Variants in TRMT9B observed in about 807,000 individuals in gnomAD.
TRMT9B encodes tRNA methyltransferase 9B (putative).
In TRMT9B, 16 loss-of-function variants were observed where a neutral mutation model predicts 11.5. The ratio of observed to expected loss-of-function variants is 1.39; its 90% CI spans 0.94 to 2.11. The LOEUF (loss-of-function observed/expected upper bound fraction) is 2.11, where lower values mean the gene tolerates loss of function less well. TRMT9B is among the 30% of genes most tolerant of loss of function. The probability of loss-of-function intolerance (pLI) is 0.00; values close to 1 mark genes in which losing one functional copy is unlikely to be tolerated. For missense variants in TRMT9B, 941 were observed against 553.8 expected, an observed-to-expected ratio of 1.70 and a Z score of -7.02; for synonymous variants, 274 against 192.4, an observed-to-expected ratio of 1.42 and a Z score of -3.51.
Position 13,022,922 on chromosome 8 carries a change from G to T in TRMT9B, c.*878G>T, listed in dbSNP as rs1158454987. On this transcript the variant is annotated 3_prime_UTR_variant, in exon 5 of 5. Transcript: ENST00000524591. The stretch of plus-strand genomic sequence containing the variant: ...CACGTGAGCCCAGGAATTCAAGGCT[G>T]CAGTGAACTATGATTGCATCACTGC... The T allele has an allele frequency of 6.0e-6, 1 of 166,396 alleles. No individual in the cohort carries two copies. The highest frequency in any genetic ancestry group is 2.4e-5 in the African/African-American group (1 of 41,364). 10.3% of individuals were successfully genotyped at this position (166,396 alleles called of 1,614,324 possible). A position where few individuals can be genotyped will look rare whatever the true frequency, so the allele number is the denominator to read the frequency against.
chr8:12,986,260 A>T (rs1806286620), intron 1 of TRMT9B, among the ~76,000 whole-genome samples: 1 of 152,056 alleles, frequency 6.6e-6, no homozygotes, highest in Non-Finnish European at 1.5e-5. Context: ...TCTAAAACCT[A>T]CACCTCCTGT....
At chr8:13,018,309 G>A (rs555037415) in intron 4 of TRMT9B, among the ~76,000 whole-genome samples, 1 of 149,102 alleles carries the variant, frequency 6.7e-6, no homozygotes, top group South Asian at 2.2e-4. Flanking sequence ...GGCTGAGAGA[G>A]GAGAATCACC....
In TRMT9B at chr8:13,023,659, C is replaced by G. The variant is rs969319060; in HGVS notation, c.*1615C>G. 1 of 167,070 alleles carries G rather than the reference C, an allele frequency of 6.0e-6. No homozygotes were observed. The highest frequency in any genetic ancestry group is 2.4e-5 in the African/African-American group (1 of 41,460). 10.3% of individuals were successfully genotyped at this position (167,070 alleles called of 1,614,324 possible). A position where few individuals can be genotyped will look rare whatever the true frequency, so the allele number is the denominator to read the frequency against. On this transcript the variant is annotated 3_prime_UTR_variant, in exon 5 of 5. Coordinates refer to ENST00000524591, the MANE Select transcript of TRMT9B (RefSeq NM_020844.3). ...CATTAATGAGAAAATTGACATCTGA[C>G]AAGAGTCTTTTTACTTTATGCTGGA...
intron 1 of TRMT9B, among the ~76,000 whole-genome samples, chr8:12,984,988 C>A (rs1258130772): frequency 1.6e-5 from 2 of 128,690 alleles, no homozygotes; most frequent in South Asian, 5.2e-4. Flanking sequence ...CACACACACA[C>A]TCTCTCTCTC....
At chr8:12,983,378 C>T (rs1320288860) in intron 1 of TRMT9B, among the ~76,000 whole-genome samples, 2 of 151,976 alleles carry the variant, frequency 1.3e-5, no homozygotes, top group Non-Finnish European at 2.9e-5. Flanking sequence ...TTTTTAAAAG[C>T]CATCTAGCAG....
chr8:12,969,921 C>G (rs938780202), intron 1 of TRMT9B: 1 of 150,482 alleles, frequency 6.6e-6, no homozygotes, highest in Non-Finnish European at 1.5e-5. Flanking sequence ...TGACCTCAAG[C>G]CATCCTCCCA....
chr8:13,004,824 C>T (rs999655290), intron 2 of TRMT9B, among the ~76,000 whole-genome samples: 1 of 151,958 alleles, frequency 6.6e-6, no homozygotes, highest in African/African-American at 2.4e-5. Flanking sequence ...ACATTAGGTA[C>T]CAGCTCGGCC....
At chr8:12,995,240 C>CA (rs1221419200) in intron 2 of TRMT9B, among the ~76,000 whole-genome samples, 1 of 152,212 alleles carries the variant, frequency 6.6e-6, no homozygotes, top group African/African-American at 2.4e-5. Flanking sequence ...CACAAAGCTT[C>CA]AAGCAAGTTT....
At chr8:12,975,073 A>C (rs558684610) in intron 1 of TRMT9B, among the ~76,000 whole-genome samples, 30 of 152,030 alleles carry the variant, frequency 2.0e-4, no homozygotes, top group Admixed American at 6.6e-4. Flanking sequence ...ACTAATGGGG[A>C]AAATCGATGA....
chr8:13,004,787 G>A (rs1030760188), intron 2 of TRMT9B, among the ~76,000 whole-genome samples: 4 of 152,062 alleles, frequency 2.6e-5, no homozygotes, highest in Non-Finnish European at 5.9e-5. Flanking sequence ...AAAAGTGGAG[G>A]GACAAGGAAA....
intron 1 of TRMT9B, among the ~76,000 whole-genome samples, chr8:12,986,696 A>G (rs1294040468): frequency 6.6e-6 from 1 of 152,152 alleles, no homozygotes; most frequent in East Asian, 1.9e-4. Flanking sequence ...TTATTTTAGG[A>G]TAGTAGTGGT....
intron 2 of TRMT9B, among the ~76,000 whole-genome samples, chr8:13,001,673 C>T (rs1014521028): frequency 1.3e-5 from 2 of 152,100 alleles, no homozygotes; most frequent in Non-Finnish European, 2.9e-5. Context: ...CCCAATAATT[C>T]TGAGAAAAAA....
At chr8:13,010,734 C>A (rs986374721) in intron 3 of TRMT9B, 5 of 984,122 alleles carry the variant, frequency 5.1e-6, no homozygotes, top group African/African-American at 1.8e-5. Flanking sequence ...CTAAAGTATC[C>A]CTCGAGCCAA....
chr8:12,998,143 C>G (rs2128883519), intron 2 of TRMT9B, among the ~76,000 whole-genome samples: 1 of 152,318 alleles, frequency 6.6e-6, no homozygotes, highest in South Asian at 2.1e-4. Flanking sequence ...GGATACTACT[C>G]AATTGTCATC....
At chr8:12,969,626 C>T (rs1803307081) in intron 1 of TRMT9B, among the ~76,000 whole-genome samples, 1 of 151,512 alleles carries the variant, frequency 6.6e-6, no homozygotes, top group South Asian at 2.1e-4. Flanking sequence ...TTATTTTTTC[C>T]TAATATTTTT....
intron 4 of TRMT9B, among the ~76,000 whole-genome samples, chr8:13,015,529 T>C (rs1260793217): frequency 6.6e-6 from 1 of 150,814 alleles, no homozygotes; most frequent in African/African-American, 2.5e-5. Flanking sequence ...TTTTTTCTAA[T>C]TTTTTTTGTA....
chr8:12,950,181 G>A (rs6989151), intron 1 of TRMT9B, among the ~76,000 whole-genome samples: 1,690 of 152,130 alleles, frequency 0.011, 13 homozygotes, highest in African/African-American at 0.014. Flanking sequence ...ATCTAAATCA[G>A]ACATTGGACA....
chr8:12,947,981 C>T (rs1473421441), intron 1 of TRMT9B, among the ~76,000 whole-genome samples: 1 of 152,126 alleles, frequency 6.6e-6, no homozygotes, highest in East Asian at 1.9e-4. Flanking sequence ...GTGTGCCAGA[C>T]CCAGGGAGTT....
At chr8:12,955,317 A>G (rs1172449227) in intron 1 of TRMT9B, among the ~76,000 whole-genome samples, 2 of 152,138 alleles carry the variant, frequency 1.3e-5, no homozygotes, top group Non-Finnish European at 2.9e-5. Context: ...GGTTGTTTTT[A>G]GAGATGATGA....
Sources: gnomAD v4.1 joint callset for allele counts (sites outside exome capture counted in the v4.1 genomes callset) on GRCh38, gnomAD v4.1.1 for gene constraint, MANE v1.5 for transcripts, NCBI Gene and HGNC (gene_info 2026-07-23, HGNC 2026-07-21) for gene names.